Variants in ACER3 observed in about 807,000 individuals in gnomAD.
ACER3 encodes the protein alkaline ceramidase 3, also known as alkCDase 3.
Under a neutral mutation model 48.9 loss-of-function variants are expected in ACER3, and 16 were observed. The ratio of observed to expected loss-of-function variants is 0.33; its 90% CI spans 0.22 to 0.50. ACER3 has a LOEUF of 0.50. Among genes scored for constraint, ACER3 ranks in the 20% least tolerant of loss-of-function variants. The probability of loss-of-function intolerance (pLI) is 0.98; values close to 1 mark genes in which losing one functional copy is unlikely to be tolerated. For missense variants in ACER3, 227 were observed against 326.0 expected, an observed-to-expected ratio of 0.70 and a Z score of 2.34; for synonymous variants, 109 against 107.8, an observed-to-expected ratio of 1.01 and a Z score of -0.07.
At position 77,020,458 on chromosome 11, in the gene ACER3, T is replaced by C. The variant is rs1318602059; in HGVS notation, c.*131T>C. 1.0e-6 allele frequency: 1 copy of C among 991,060 alleles called. No individual in the cohort carries two copies. The highest frequency in any genetic ancestry group is 2.7e-5 in the East Asian group (1 of 37,712). 61.4% of individuals were successfully genotyped at this position (991,060 alleles called of 1,614,324 possible). On this transcript the variant is annotated 3_prime_UTR_variant, in exon 11 of 11. Transcript: ENST00000532485. ...AGCAGAGGAGTGACTTTCTGACTAA[T>C]GCTGCCACCCACACAGAGAATAAGG...
At chr11:76,916,437 G>A (rs963729387) in intron 1 of ACER3, among the ~76,000 whole-genome samples, 1 of 152,158 alleles carries the variant, frequency 6.6e-6, no homozygotes, top group Non-Finnish European at 1.5e-5. Context: ...TGTAACTGAG[G>A]AGATAAGTCA....
At chr11:76,997,604 C>G (rs1948941894) in intron 6 of ACER3, among the ~76,000 whole-genome samples, 1 of 152,118 alleles carries the variant, frequency 6.6e-6, no homozygotes, top group Non-Finnish European at 1.5e-5. Flanking sequence ...ATATACATAG[C>G]TTCTTTTGTA....
At chr11:76,965,166 C>G (rs926738366) in intron 3 of ACER3, among the ~76,000 whole-genome samples, 1 of 151,310 alleles carries the variant, frequency 6.6e-6, no homozygotes, top group Non-Finnish European at 1.5e-5. Context: ...GACGAATGCA[C>G]AAGCCTCAGT....
chr11:76,864,968 C>A (rs1436194387), intron 1 of ACER3, among the ~76,000 whole-genome samples: 1 of 145,344 alleles, frequency 6.9e-6, no homozygotes, highest in East Asian at 2.0e-4. Flanking sequence ...CTAATGAGGG[C>A]CAACAGGTTT....
At chr11:76,875,566 T>C (rs941736397) in intron 1 of ACER3, among the ~76,000 whole-genome samples, 3 of 152,130 alleles carry the variant, frequency 2.0e-5, no homozygotes, top group Non-Finnish European at 4.4e-5. Flanking sequence ...TTTCCATTCC[T>C]TTCTCCATCC....
At chr11:76,947,632 C>G (rs1192106636) in intron 2 of ACER3, among the ~76,000 whole-genome samples, 1 of 152,128 alleles carries the variant, frequency 6.6e-6, no homozygotes, top group African/African-American at 2.4e-5. Flanking sequence ...TGCTTAGTAG[C>G]TCATTTATTT....
intron 9 of ACER3, among the ~76,000 whole-genome samples, chr11:77,018,880 A>G (rs781892393): frequency 6.6e-6 from 1 of 152,250 alleles, no homozygotes; most frequent in Non-Finnish European, 1.5e-5. Context: ...TCTCCATAAC[A>G]TAAAAGTGCA....
chr11:76,973,734 A>T (rs1948367621), intron 3 of ACER3, among the ~76,000 whole-genome samples: 1 of 151,794 alleles, frequency 6.6e-6, no homozygotes, highest in Admixed American at 6.6e-5. Context: ...TTTCAGTTCT[A>T]CTGAAGTACA....
At chr11:76,914,426 C>CA (rs1946468404) in intron 1 of ACER3, among the ~76,000 whole-genome samples, 1 of 152,080 alleles carries the variant, frequency 6.6e-6, no homozygotes, top group African/African-American at 2.4e-5. Flanking sequence ...TTTATGCAGC[C>CA]CAAAAACACA....
chr11:76,871,323 C>T (rs2134524578), intron 1 of ACER3, among the ~76,000 whole-genome samples: 2 of 152,292 alleles, frequency 1.3e-5, no homozygotes, highest in Middle Eastern at 6.8e-3. Flanking sequence ...TGTGACAGAG[C>T]CTAAGGAAGT....
intron 9 of ACER3, among the ~76,000 whole-genome samples, chr11:77,019,320 G>A (rs192437679): frequency 7.9e-5 from 12 of 152,224 alleles, no homozygotes; most frequent in East Asian, 5.8e-4. Context: ...TTATCTGGGC[G>A]TTGTGGCAGG....
At chr11:76,920,280 A>T (rs1229595377) in intron 1 of ACER3, among the ~76,000 whole-genome samples, 1 of 151,892 alleles carries the variant, frequency 6.6e-6, no homozygotes, top group Admixed American at 6.6e-5. Flanking sequence ...CTGCCCACCT[A>T]CCTCTCCGCT....
At chr11:76,962,382 G>A (rs12288973) in intron 3 of ACER3, among the ~76,000 whole-genome samples, 3,441 of 150,858 alleles carry the variant, frequency 0.023, 316 homozygotes, top group African/African-American at 0.081. Context: ...ACCATGCCTC[G>A]CTAATTTTTG....
At chr11:76,942,601 G>GT (rs1947366350) in intron 2 of ACER3, among the ~76,000 whole-genome samples, 1 of 151,880 alleles carries the variant, frequency 6.6e-6, no homozygotes, top group Non-Finnish European at 1.5e-5. Context: ...TTTTGTTGAG[G>GT]TTTTTTATGT....
chr11:76,879,012 AT>A (rs1945458061), intron 1 of ACER3, among the ~76,000 whole-genome samples: 1 of 151,890 alleles, frequency 6.6e-6, no homozygotes, highest in African/African-American at 2.4e-5. Flanking sequence ...AAAAAATTGG[AT>A]TGTCTTTTTA....
chr11:76,934,461 G>A (rs12797385), intron 2 of ACER3, among the ~76,000 whole-genome samples: 7,716 of 152,358 alleles, frequency 0.051, 238 homozygotes, highest in Middle Eastern at 0.12. Context: ...CGAGGCTGGC[G>A]GATCACTTGT....
chr11:76,908,195 C>A (rs566075437), intron 1 of ACER3, among the ~76,000 whole-genome samples: 1 of 152,308 alleles, frequency 6.6e-6, no homozygotes, highest in Admixed American at 6.5e-5. Context: ...GAGATCGTGC[C>A]ACTGCACTCT....
intron 3 of ACER3, among the ~76,000 whole-genome samples, chr11:76,965,719 G>A (rs1380661773): frequency 1.3e-5 from 2 of 151,036 alleles, no homozygotes; most frequent in African/African-American, 4.9e-5. Flanking sequence ...AGCTTCATAA[G>A]TGAAGGAGAA....
chr11:76,926,145 A>G (rs959137268), intron 1 of ACER3, among the ~76,000 whole-genome samples: 13 of 152,192 alleles, frequency 8.5e-5, no homozygotes, highest in Non-Finnish European at 2.9e-5. Context: ...TTGCTTTTTT[A>G]TTCCAAGTAA....
Sources: allele counts gnomAD v4.1 joint callset (sites outside exome capture counted in the v4.1 genomes callset), GRCh38; gene constraint gnomAD v4.1.1; transcripts MANE v1.5; gene names NCBI Gene and HGNC (gene_info 2026-07-23, HGNC 2026-07-21).